ZFAT: variants seen among roughly 807,000 people sequenced by gnomAD.
The protein encoded by ZFAT is zinc finger protein ZFAT.
Under a neutral mutation model 117.7 loss-of-function variants are expected in ZFAT, and 64 were observed. That is an observed-to-expected ratio of 0.54 (90% CI 0.44 to 0.67). The LOEUF (loss-of-function observed/expected upper bound fraction) is 0.67. Among genes scored for constraint, ZFAT ranks in the 30% least tolerant of loss-of-function variants. ZFAT has a pLI of 0.00. For synonymous variants in ZFAT, 679 were observed against 615.0 expected, an observed-to-expected ratio of 1.10 and a Z score of -1.54; for missense variants, 1,433 against 1,584.5, an observed-to-expected ratio of 0.90 and a Z score of 1.62.
upstream of ZFAT, chr8:134,713,084 C>T (rs1814087034): frequency 6.5e-6 from 3 of 464,190 alleles, no homozygotes; most frequent in South Asian, 1.2e-4. Context: ...AGCGGACGTC[C>T]GCTTCGGGTG....
chr8:134,727,030 C>T, the ZFAT span, among the ~76,000 whole-genome samples: 2 of 152,142 alleles, frequency 1.3e-5, no homozygotes, highest in East Asian at 3.9e-4. Context: ...CTTGCAGAGA[C>T]CCTTTCCTGC....
the ZFAT span, among the ~76,000 whole-genome samples, chr8:134,820,610 T>C: frequency 6.6e-6 from 1 of 152,248 alleles, no homozygotes; most frequent in Non-Finnish European, 1.5e-5. Flanking sequence ...GCTGGTTCCA[T>C]GACAGAGGGT....
At chr8:134,650,142 A>G (rs1407770190) in intron 2 of ZFAT, among the ~76,000 whole-genome samples, 1 of 142,020 alleles carries the variant, frequency 7.0e-6, no homozygotes, top group Non-Finnish European at 1.5e-5. Flanking sequence ...TTTTTTTTTG[A>G]GACAGAGTCT....
At chr8:134,552,427 G>A (rs80160228) in intron 11 of ZFAT, among the ~76,000 whole-genome samples, 1,618 of 152,188 alleles carry the variant, frequency 0.011, 34 homozygotes, top group African/African-American at 0.037. Context: ...TAATGAAATC[G>A]GTGATTGAGA....
chr8:134,669,573 G>C (rs778638986), intron 1 of ZFAT, among the ~76,000 whole-genome samples: 1 of 152,112 alleles, frequency 6.6e-6, no homozygotes, highest in Non-Finnish European at 1.5e-5. Flanking sequence ...GTCACCACTA[G>C]GCCTGCCCTA....
the ZFAT span, among the ~76,000 whole-genome samples, chr8:134,762,884 A>T: frequency 6.6e-6 from 1 of 152,180 alleles, no homozygotes; most frequent in Non-Finnish European, 1.5e-5. Flanking sequence ...CATTTAGCCA[A>T]GTGGATAAAT....
chr8:134,517,973 C>T (rs111701578), intron 13 of ZFAT, among the ~76,000 whole-genome samples: 115 of 152,186 alleles, frequency 7.6e-4, no homozygotes, highest in African/African-American at 2.7e-3. Flanking sequence ...GAAGGTGGTA[C>T]CTCCACCATA....
At chr8:134,534,254 T>C (rs1216850724) in intron 11 of ZFAT, among the ~76,000 whole-genome samples, 1 of 152,260 alleles carries the variant, frequency 6.6e-6, no homozygotes, top group Non-Finnish European at 1.5e-5. Context: ...AAGTGTTTCT[T>C]ATTGATTTTA....
chr8:134,570,485 T>C (rs1042334240), intron 10 of ZFAT, among the ~76,000 whole-genome samples: 19 of 152,136 alleles, frequency 1.2e-4, no homozygotes, highest in Non-Finnish European at 1.5e-5. Context: ...GATTTTGGGT[T>C]TGGGCTTTGG....
intron 10 of ZFAT, among the ~76,000 whole-genome samples, chr8:134,581,303 A>T (rs1586748077): frequency 6.6e-6 from 1 of 152,150 alleles, no homozygotes; most frequent in East Asian, 1.9e-4. Flanking sequence ...GAGAAACACA[A>T]ATAATGAAGT....
At chr8:134,704,674 A>G (rs1277346365) in intron 1 of ZFAT, among the ~76,000 whole-genome samples, 4 of 152,220 alleles carry the variant, frequency 2.6e-5, no homozygotes, top group Admixed American at 6.5e-5. Flanking sequence ...AAATAGAGCA[A>G]TGGAACAGAC....
chr8:134,540,825 A>C (rs1215678439), intron 11 of ZFAT, among the ~76,000 whole-genome samples: 1 of 152,242 alleles, frequency 6.6e-6, no homozygotes, highest in African/African-American at 2.4e-5. Context: ...AAGTGTCATG[A>C]AATTTTTATG....
chr8:134,731,464 C>A, the ZFAT span, among the ~76,000 whole-genome samples: 1 of 152,198 alleles, frequency 6.6e-6, no homozygotes, highest in Non-Finnish European at 1.5e-5. Context: ...GCTTTGCAGG[C>A]CATATGGCCT....
intron 1 of ZFAT, among the ~76,000 whole-genome samples, chr8:134,658,262 G>A (rs1225548078): frequency 2.0e-5 from 3 of 149,972 alleles, no homozygotes; most frequent in South Asian, 2.1e-4. Context: ...GCGTGAACCC[G>A]GGAGGTGAAG....
chr8:134,521,631 T>TA (rs1289158174), intron 12 of ZFAT, among the ~76,000 whole-genome samples: 332 of 146,112 alleles, frequency 2.3e-3, no homozygotes, highest in African/African-American at 7.2e-3. Context: ...ACTCTAGGTT[T>TA]AAAAAAAAAA....
At chr8:134,506,718 T>C (rs953900687) in intron 15 of ZFAT, among the ~76,000 whole-genome samples, 2 of 152,238 alleles carry the variant, frequency 1.3e-5, no homozygotes, top group Admixed American at 6.5e-5. Flanking sequence ...AAATAGAGTA[T>C]ATATCTATTT....
intron 10 of ZFAT, among the ~76,000 whole-genome samples, chr8:134,578,132 A>T (rs1392215996): frequency 6.6e-6 from 1 of 152,158 alleles, no homozygotes; most frequent in Non-Finnish European, 1.5e-5. Flanking sequence ...GAATGAAGAT[A>T]GGCTGGGCAT....
intron 13 of ZFAT, among the ~76,000 whole-genome samples, chr8:134,515,848 G>C (rs1820215446): frequency 6.6e-6 from 1 of 152,008 alleles, no homozygotes; most frequent in Non-Finnish European, 1.5e-5. Flanking sequence ...ATCATTATTT[G>C]CCCCATAAAT....
the ZFAT span, among the ~76,000 whole-genome samples, chr8:134,804,610 A>T: frequency 3.3e-5 from 5 of 152,216 alleles, no homozygotes; most frequent in Admixed American, 6.5e-5. Flanking sequence ...AATTTCATTG[A>T]CAGGGCAGAA....
Sources: gnomAD v4.1 joint callset for allele counts (sites outside exome capture counted in the v4.1 genomes callset) on GRCh38, gnomAD v4.1.1 for gene constraint, MANE v1.5 for transcripts, NCBI Gene and HGNC (gene_info 2026-07-23, HGNC 2026-07-21) for gene names.